Variants in CADPS2 observed in about 807,000 individuals in gnomAD.
CADPS2 encodes the protein calcium-dependent secretion activator 2.
In CADPS2, 93 loss-of-function variants were observed where a neutral mutation model predicts 172.5. The ratio of observed to expected loss-of-function variants is 0.54; its 90% CI spans 0.46 to 0.64. The LOEUF is 0.64. CADPS2 is among the 30% of genes least tolerant of loss of function. The pLI is 0.00. For missense variants in CADPS2, 1,420 were observed against 1,565.9 expected, an observed-to-expected ratio of 0.91 and a Z score of 1.57; for synonymous variants, 546 against 555.2, an observed-to-expected ratio of 0.98 and a Z score of 0.23.
intron 13 of CADPS2, among the ~76,000 whole-genome samples, chr7:122,473,010 G>T (rs1586393803): frequency 1.3e-5 from 2 of 152,236 alleles, no homozygotes; most frequent in Admixed American, 1.3e-4. Context: ...GACCTGGGAA[G>T]CTCCAAAATC....
At chr7:122,583,571 T>C (rs1204228217) in intron 6 of CADPS2, among the ~76,000 whole-genome samples, 1 of 151,378 alleles carries the variant, frequency 6.6e-6, no homozygotes, top group African/African-American at 2.4e-5. Flanking sequence ...CATAAATATA[T>C]CAGAATATAT....
intron 3 of CADPS2, among the ~76,000 whole-genome samples, chr7:122,661,921 A>C (rs559481280): frequency 1.6e-4 from 24 of 152,330 alleles, no homozygotes; most frequent in South Asian, 1.2e-3. Flanking sequence ...TTTCAAATAG[A>C]AGATTTTGGT....
intron 8 of CADPS2, among the ~76,000 whole-genome samples, chr7:122,531,963 G>A (rs534495038): frequency 5.9e-5 from 9 of 151,808 alleles, no homozygotes; most frequent in Non-Finnish European, 1.0e-4. Flanking sequence ...CCCAGGAGGC[G>A]GAGGTTGCAG....
chr7:122,393,382 A>G (rs1283728625), intron 21 of CADPS2, 59 bp downstream of exon 21: 5 of 1,613,064 alleles, frequency 3.1e-6, no homozygotes, highest in Non-Finnish European at 4.2e-6. Context: ...CCATGTGTGA[A>G]GTCATAAGGT....
At chr7:122,505,982 C>T (rs1016620842) in intron 9 of CADPS2, among the ~76,000 whole-genome samples, 2 of 152,128 alleles carry the variant, frequency 1.3e-5, no homozygotes, top group Admixed American at 1.3e-4. Context: ...GGTTTACTAG[C>T]CAGTTACCAG....
intron 1 of CADPS2, among the ~76,000 whole-genome samples, chr7:122,795,331 TC>T (rs1796140370): frequency 1.3e-5 from 2 of 152,064 alleles, no homozygotes; most frequent in Admixed American, 1.3e-4. Context: ...CATGAACACT[TC>T]CGTGCACATA....
chr7:122,718,811 G>A (rs1379133209), intron 2 of CADPS2, among the ~76,000 whole-genome samples: 1 of 152,046 alleles, frequency 6.6e-6, no homozygotes. Context: ...AGCTGGTATG[G>A]GATAACAGAG....
chr7:122,510,178 A>C (rs2059911894), intron 9 of CADPS2, among the ~76,000 whole-genome samples: 1 of 152,170 alleles, frequency 6.6e-6, no homozygotes, highest in South Asian at 2.1e-4. Context: ...AGTAACAAAC[A>C]TATACAAGTT....
chr7:122,704,257 TA>T (rs539251181), intron 2 of CADPS2, among the ~76,000 whole-genome samples: 3 of 151,340 alleles, frequency 2.0e-5, no homozygotes, highest in Non-Finnish European at 4.4e-5. Flanking sequence ...TTTGCTTTTT[TA>T]AAAAAAAACT....
chr7:122,723,370 T>C (rs1450908925), intron 2 of CADPS2, among the ~76,000 whole-genome samples: 1 of 152,054 alleles, frequency 6.6e-6, no homozygotes. Context: ...GGGCAAAGCA[T>C]ATGAACAGAC....
At chr7:122,738,013 C>G (rs961383004) in intron 1 of CADPS2, among the ~76,000 whole-genome samples, 1 of 152,052 alleles carries the variant, frequency 6.6e-6, no homozygotes, top group African/African-American at 2.4e-5. Context: ...CAAAAGAGAA[C>G]AGAGAGGCAG....
intron 5 of CADPS2, among the ~76,000 whole-genome samples, chr7:122,619,104 C>T (rs1398235252): frequency 6.6e-6 from 1 of 152,150 alleles, no homozygotes; most frequent in East Asian, 1.9e-4. Context: ...CACAGAATAA[C>T]AATTCATAAT....
At chr7:122,479,987 A>G (rs2057098547) in intron 12 of CADPS2, 1 of 388,092 alleles carries the variant, frequency 2.6e-6, no homozygotes, top group African/African-American at 2.1e-5. Flanking sequence ...ATTATGTTAC[A>G]TATATAACTG....
chr7:122,351,397 A>AAAAAAAAAAAAAAAAAAAAAAAAAAAAAC (rs2038603507), intron 27 of CADPS2, among the ~76,000 whole-genome samples: 1 of 147,946 alleles, frequency 6.8e-6, no homozygotes, highest in African/African-American at 2.5e-5. Context: ...AAAAAAAAAA[A>AAAAAAAAAAAAAAAAAAAAAAAAAAAAAC]AAAAAATTCC....
Position 122,805,121 on chromosome 7 carries a change from G to C in CADPS2, c.340-68053C>G, listed in dbSNP as rs112350018. Among the ~76,000 whole-genome samples, 696 of 152,148 alleles carry C rather than the reference G, an allele frequency of 4.6e-3. 3 individuals are homozygous for C. The highest frequency in any genetic ancestry group is 6.3e-3 in the Non-Finnish European group (430 of 68,022). On this transcript the variant is annotated intron_variant, in intron 1 of 29. Transcript: ENST00000449022. ...TAACCCCATAGCTAACCCCCAGCAAGGTACCCTGATAAATGCTGAAAGCAT... is the reference window on the plus strand; with the variant it reads ...TAACCCCATAGCTAACCCCCAGCAACGTACCCTGATAAATGCTGAAAGCAT...
At chr7:122,737,854 A>G (rs145271836) in intron 1 of CADPS2, among the ~76,000 whole-genome samples, 2 of 152,270 alleles carry the variant, frequency 1.3e-5, no homozygotes, top group African/African-American at 2.4e-5. Context: ...AGGAAGAAAG[A>G]CTGAAAAGAC....
intron 24 of CADPS2, among the ~76,000 whole-genome samples, chr7:122,382,050 T>G (rs1428111366): frequency 1.3e-5 from 2 of 152,068 alleles, no homozygotes; most frequent in Non-Finnish European, 2.9e-5. Context: ...GGCCCGAGAA[T>G]TCCCATTTTA....
At chr7:122,321,065 T>C (rs961888882) in intron 29 of CADPS2, among the ~76,000 whole-genome samples, 3 of 152,242 alleles carry the variant, frequency 2.0e-5, no homozygotes, top group Non-Finnish European at 4.4e-5. Flanking sequence ...TTATTGTTTG[T>C]ACAATGATTT....
intron 2 of CADPS2, among the ~76,000 whole-genome samples, chr7:122,719,645 A>G (rs570191718): frequency 2.0e-5 from 3 of 152,266 alleles, no homozygotes; most frequent in Admixed American, 6.5e-5. Context: ...ATGCTACACC[A>G]TCAAATGTGC....
Sources: allele counts gnomAD v4.1 joint callset (sites outside exome capture counted in the v4.1 genomes callset), GRCh38; gene constraint gnomAD v4.1.1; transcripts MANE v1.5; gene names NCBI Gene and HGNC (gene_info 2026-07-23, HGNC 2026-07-21).